ACAN: variants seen among roughly 807,000 people sequenced by gnomAD.
ACAN encodes the protein aggrecan core protein.
In ACAN, 47 loss-of-function variants were observed where a neutral mutation model predicts 169.1. The observed-to-expected ratio is 0.28, with a 90% confidence interval of 0.22 to 0.35. The LOEUF (loss-of-function observed/expected upper bound fraction) is 0.35, where lower values mean the gene tolerates loss of function less well. ACAN is among the 10% of genes least tolerant of loss of function. The pLI is 1.00. For synonymous variants in ACAN, 1,115 were observed against 1,112.2 expected (o/e 1.00, Z -0.05); for missense variants, 2,716 against 2,759.9 (o/e 0.98, Z 0.36).
At chr15:88,805,874 C>G (rs562665414) in intron 1 of ACAN, among the ~76,000 whole-genome samples, 5 of 152,334 alleles carry the variant, frequency 3.3e-5, no homozygotes, top group East Asian at 1.9e-4. Context: ...CCATCTCTCT[C>G]ACACCCACAC....
intron 11 of ACAN, among the ~76,000 whole-genome samples, chr15:88,854,541 C>A (rs992331348): frequency 6.6e-6 from 1 of 152,232 alleles, no homozygotes; most frequent in Non-Finnish European, 1.5e-5. Context: ...CCGCATCTCA[C>A]ACAAAGTACA....
chr15:88,871,650 A>G lies in ACAN; in HGVS notation c.7219+110A>G. 1 of 1,380,132 alleles carries G rather than the reference A, an allele frequency of 7.2e-7. No individual in the cohort carries two copies. The highest frequency in any genetic ancestry group is 1.4e-5 in the South Asian group (1 of 70,686). The allele number at this position is 1,380,132 out of a possible 1,614,324, so 85.5% of individuals were successfully genotyped here. On this transcript the variant is annotated intron_variant, in intron 15 of 18. Coordinates refer to ENST00000560601, the MANE Select transcript of ACAN (RefSeq NM_001369268.1). The surrounding 1 kb of genome is among the most constrained non-coding windows in gnomAD (Gnocchi z 7.8). ...GGCCTCGTGAGACTGCAGGACAGGG[A>G]CCTGGGGGAGGGGGAACAGTGTTCC...
At chr15:88,834,900 G>C (rs1896462971) in intron 1 of ACAN, among the ~76,000 whole-genome samples, 1 of 152,146 alleles carries the variant, frequency 6.6e-6, no homozygotes. Flanking sequence ...GCTCTGGTGG[G>C]TCTCCTGTAC....
intron 1 of ACAN, among the ~76,000 whole-genome samples, chr15:88,829,721 A>C (rs1023652268): frequency 1.3e-5 from 2 of 152,230 alleles, no homozygotes; most frequent in African/African-American, 4.8e-5. Flanking sequence ...AGTCAGGGAC[A>C]CAGAGCCACC....
chr15:88,852,286 C>T (rs1896950116), intron 11 of ACAN, among the ~76,000 whole-genome samples: 1 of 152,160 alleles, frequency 6.6e-6, no homozygotes, highest in South Asian at 2.1e-4. Context: ...ACCTTATTTC[C>T]CTTGCATGAA....
intron 1 of ACAN, among the ~76,000 whole-genome samples, chr15:88,809,516 C>T (rs934035289): frequency 6.6e-6 from 1 of 152,192 alleles, no homozygotes; most frequent in Non-Finnish European, 1.5e-5. Flanking sequence ...GTCCCTAACC[C>T]AGGGCCAGGC....
intron 11 of ACAN, 130 bp from the exon 12 acceptor site, chr15:88,854,722 G>T: frequency 1.0e-6 from 1 of 980,678 alleles, no homozygotes; most frequent in Non-Finnish European, 1.4e-6. Flanking sequence ...GAAAGCATTT[G>T]GACACGTTGC....
rs1242991990 is a variant in ACAN, at chr15:88,855,312, C to T, written c.2727C>T (p.Gly909=). 1 of 1,612,218 alleles carries T rather than the reference C, an allele frequency of 6.2e-7. No individual in the cohort carries two copies. The highest frequency in any genetic ancestry group is 1.7e-5 in the Admixed American group (1 of 59,994). Residue 909 remains glycine, a synonymous_variant, in exon 12 of 19, where the codon GGC becomes GGT. Coordinates refer to ENST00000560601, the MANE Select transcript of ACAN (RefSeq NM_001369268.1). ...CCAGTGGTCTTACTTCCACAGTGGG[C>T]TCAGGCCTGCCTGTGGAAAGTGGAC... The part of the protein sequence containing the change: ...LDSSGLTSTV[G]SGLPVESGLP...
chr15:88,867,779 C>T (rs981681700), intron 13 of ACAN, among the ~76,000 whole-genome samples: 1 of 152,176 alleles, frequency 6.6e-6, no homozygotes, highest in Admixed American at 6.5e-5. Flanking sequence ...AAAAGAAAGA[C>T]CTCTAACCAA....
In ACAN at chr15:88,824,315, G is replaced by A. The variant is rs188848656; in HGVS notation, c.-7-11885G>A. Reference sequence around the variant, plus strand: ...CTCCCGGGTGACAGAGCGAGACTCCGTCTCAAAAAAAAAAACAACAACAAC... The same window carrying A: ...CTCCCGGGTGACAGAGCGAGACTCCATCTCAAAAAAAAAAACAACAACAAC... On this transcript the variant is annotated intron_variant, in intron 1 of 18. Coordinates refer to ENST00000560601, the MANE Select transcript of ACAN (RefSeq NM_001369268.1). 8.9e-3 allele frequency among the ~76,000 whole-genome samples: 1,243 copies of A among 139,650 alleles called. 8 individuals are homozygous for A. The highest frequency in any genetic ancestry group is 0.014 in the Non-Finnish European group (953 of 66,160). The allele number at this position is 139,650 out of a possible 152,430, so 91.6% of individuals were successfully genotyped here. A position where few individuals can be genotyped will look rare whatever the true frequency, so the allele number is the denominator to read the frequency against.
intron 1 of ACAN, among the ~76,000 whole-genome samples, chr15:88,825,454 A>T (rs552880234): frequency 1.8e-4 from 27 of 152,354 alleles, no homozygotes; most frequent in African/African-American, 6.3e-4. Flanking sequence ...AAACTTCCCC[A>T]GATTCACCTA....
In ACAN at chr15:88,855,140, C is replaced by T; in HGVS notation, c.2555C>T (p.Thr852Ile). The change falls in exon 12 of 19, where the codon ACT becomes ATT. Residue 852 changes from threonine to isoleucine, a missense_variant. By Grantham distance (89) the Thr-to-Ile change is moderately conservative. Transcript: ENST00000560601. ...CCTTCACCCCCCGTGCCCAGCTGGA[C>T]TGAGCTGCCCAGCTCTGGGGAGGAA... The part of the protein sequence containing the change: ...YTPSPPVPSW[T>I]ELPSSGEESG... 1 of 1,609,184 alleles carries T rather than the reference C, an allele frequency of 6.2e-7. No individual in the cohort carries two copies. The highest frequency in any genetic ancestry group is 1.7e-4 in the Middle Eastern group (1 of 6,034).
At position 88,843,174 on chromosome 15, in the gene ACAN, C is replaced by G. The variant is rs1896707472; in HGVS notation, c.758-181C>G. 6.6e-6 allele frequency among the ~76,000 whole-genome samples: 1 copy of G among 152,126 alleles called. No individual in the cohort carries two copies. Among genetic ancestry groups the G allele is most frequent in the Admixed American group, 6.5e-5 (1 of 15,276 alleles). On this transcript the variant is annotated intron_variant, in intron 5 of 18. Coordinates refer to ENST00000560601, the MANE Select transcript of ACAN (RefSeq NM_001369268.1). This position sits in a 1 kb window ranked among gnomAD's most constrained non-coding sequence, Gnocchi z 4.0. ...CTTGTTTTAGGAAATTGATGTCATC[C>G]TACACAAAAGCCCAGAAATAAGCAA...
At position 88,807,478 on chromosome 15, in the gene ACAN, C is replaced by A. The variant is rs1229835367; in HGVS notation, c.-8+3669C>A. On this transcript the variant is annotated intron_variant, in intron 1 of 18. Transcript: ENST00000560601. The surrounding 1 kb of genome is among the most constrained non-coding windows in gnomAD (Gnocchi z 4.0). ...GTGACAGCTACTTTGGGAGTGGCAGCTCCCCTTCCCCCAGATCCAACAGGA... is the reference window on the plus strand; with the variant it reads ...GTGACAGCTACTTTGGGAGTGGCAGATCCCCTTCCCCCAGATCCAACAGGA... Among the ~76,000 whole-genome samples, 2 of 152,108 alleles carry A rather than the reference C, an allele frequency of 1.3e-5. No individual in the cohort carries two copies. Among genetic ancestry groups the A allele is most frequent in the Admixed American group, 6.5e-5 (1 of 15,274 alleles).
chr15:88,809,349 G>A (rs989666970), intron 1 of ACAN, among the ~76,000 whole-genome samples: 1 of 152,090 alleles, frequency 6.6e-6, no homozygotes, highest in Non-Finnish European at 1.5e-5. Context: ...ATATGACCTA[G>A]GGGAAACTGC....
In ACAN at chr15:88,852,049, G is replaced by A; in HGVS notation, c.2266+16G>A. On this transcript the variant is annotated intron_variant, in intron 11 of 18. Coordinates refer to ENST00000560601, the MANE Select transcript of ACAN (RefSeq NM_001369268.1). Reference sequence around the variant, plus strand: ...CCGCTGCCAGGTTGGTATGGCTTGGGTTCTGGGGCACACCCTGAAGCTGCA... The same window carrying A: ...CCGCTGCCAGGTTGGTATGGCTTGGATTCTGGGGCACACCCTGAAGCTGCA... 6.3e-7 allele frequency: 1 copy of A among 1,579,902 alleles called. No homozygotes were observed. Among genetic ancestry groups the A allele is most frequent in the South Asian group, 1.2e-5 (1 of 86,182 alleles).
intron 1 of ACAN, among the ~76,000 whole-genome samples, chr15:88,806,597 C>T (rs1895689263): frequency 6.6e-6 from 1 of 152,160 alleles, no homozygotes; most frequent in African/African-American, 2.4e-5. Context: ...TGATCGCCTG[C>T]CTCAGCCTCC....
intron 1 of ACAN, among the ~76,000 whole-genome samples, chr15:88,808,024 A>G (rs1299010409): frequency 1.3e-5 from 2 of 151,472 alleles, no homozygotes; most frequent in Non-Finnish European, 2.9e-5. Flanking sequence ...GTAGGTCACT[A>G]TTTTGGTGTA....
chr15:88,843,693 T>C lies in ACAN; in HGVS notation c.1051+45T>C, dbSNP rs761936500. 9.1e-6 allele frequency: 14 copies of C among 1,533,356 alleles called. No homozygotes were observed. In the Admixed American group the frequency reaches 2.2e-4, roughly 24 times the overall value. 95.0% of individuals were successfully genotyped at this position (1,533,356 alleles called of 1,614,324 possible). On this transcript the variant is annotated intron_variant, in intron 6 of 18. Transcript: ENST00000560601. This position sits in a 1 kb window ranked among gnomAD's most constrained non-coding sequence, Gnocchi z 4.0. The stretch of plus-strand genomic sequence containing the variant: ...GGGAAGGGAGTTCATGCCACTAAAA[T>C]GGGGTCCTAGAGGGAAGAGGGGATC...
Sources: gnomAD v4.1 joint callset for allele counts (sites outside exome capture counted in the v4.1 genomes callset) on GRCh38, gnomAD v4.1.1 for gene constraint, Gnocchi (gnomAD v3.1) non-coding constraint, MANE v1.5 for transcripts, NCBI Gene and HGNC (gene_info 2026-07-23, HGNC 2026-07-21) for gene names.